Variants in SMYD3 observed in about 807,000 individuals in gnomAD.
SMYD3 encodes SET and MYND domain containing 3, also known as histone-lysine N-methyltransferase SMYD3.
In SMYD3, 36 loss-of-function variants were observed where a neutral mutation model predicts 57.7. That is an observed-to-expected ratio of 0.62 (90% CI 0.48 to 0.82). The LOEUF is 0.82. SMYD3 is among the 40% of genes least tolerant of loss of function. The pLI, the probability that SMYD3 is intolerant of heterozygous loss-of-function variation, is 0.00. For missense variants in SMYD3, 515 were observed against 538.8 expected (o/e 0.96, Z 0.44); for synonymous variants, 211 against 195.0 (o/e 1.08, Z -0.68).
intron 5 of SMYD3, among the ~76,000 whole-genome samples, chr1:246,220,152 T>C (rs2063230204): frequency 6.6e-6 from 1 of 152,172 alleles, no homozygotes; most frequent in South Asian, 2.1e-4. Context: ...AAATCTTAAA[T>C]TGTCCCAAAT....
chr1:246,135,069 C>G (rs2061647039), intron 5 of SMYD3, among the ~76,000 whole-genome samples: 1 of 151,968 alleles, frequency 6.6e-6, no homozygotes, highest in Admixed American at 6.6e-5. Flanking sequence ...TATTACAGTT[C>G]AGGAAAATCA....
In SMYD3 at chr1:246,273,135, C is replaced by CTTTTTTTTTTTTT. The variant is rs71299006; in HGVS notation, c.531+54053_531+54065dup. The stretch of plus-strand genomic sequence containing the variant: ...TGATTCATAATAATGTCCCTGTTTT[C>CTTTTTTTTTTTTT]TTTTTTTTTTTTTTTTTCTTTTTTT... On this transcript the variant is annotated intron_variant, in intron 5 of 11. Coordinates refer to ENST00000490107, the MANE Select transcript of SMYD3 (RefSeq NM_001167740.2). Among the ~76,000 whole-genome samples the CTTTTTTTTTTTTT allele has an allele frequency of 6.5e-3, 702 of 107,428 alleles. 9 individuals carry two copies. The highest frequency in any genetic ancestry group is 0.012 in the East Asian group (38 of 3,208). The allele number at this position is 107,428 out of a possible 152,430, so 70.5% of individuals were successfully genotyped here.
At chr1:245,963,814 G>A (rs1351198203) in intron 5 of SMYD3, among the ~76,000 whole-genome samples, 1 of 152,146 alleles carries the variant, frequency 6.6e-6, no homozygotes, top group African/African-American at 2.4e-5. Context: ...GTCCACTCTA[G>A]TCATCCTGTC....
At chr1:246,284,530 C>A (rs2064518507) in intron 5 of SMYD3, among the ~76,000 whole-genome samples, 1 of 151,788 alleles carries the variant, frequency 6.6e-6, no homozygotes, top group Admixed American at 6.6e-5. Context: ...CATTCTCCTG[C>A]CTCAGCCTCC....
chr1:246,108,104 AAAC>A (rs1307009858), intron 5 of SMYD3, among the ~76,000 whole-genome samples: 1 of 152,336 alleles, frequency 6.6e-6, no homozygotes, highest in East Asian at 1.9e-4. Flanking sequence ...TTGGGTTAAG[AAAC>A]AAAGGTCTTC....
intron 5 of SMYD3, among the ~76,000 whole-genome samples, chr1:245,993,567 TC>T (rs1172181365): frequency 1.5e-5 from 1 of 65,966 alleles, no homozygotes. Context: ...AGACGTTGTC[TC>T]AAAAAAAAAA....
intron 5 of SMYD3, among the ~76,000 whole-genome samples, chr1:245,947,045 G>C (rs1176884730): frequency 6.6e-6 from 1 of 152,126 alleles, no homozygotes; most frequent in Non-Finnish European, 1.5e-5. Context: ...CGTGGCCCTG[G>C]GAGGCGGGCT....
At chr1:246,098,622 A>T (rs907440214) in intron 5 of SMYD3, among the ~76,000 whole-genome samples, 14 of 152,230 alleles carry the variant, frequency 9.2e-5, no homozygotes, top group African/African-American at 3.4e-4. Flanking sequence ...GCTGAGTGAC[A>T]CACTTTATCT....
chr1:246,033,929 T>C (rs1393825214), intron 5 of SMYD3, among the ~76,000 whole-genome samples: 1 of 152,178 alleles, frequency 6.6e-6, no homozygotes, highest in Admixed American at 6.5e-5. Flanking sequence ...CTGTGTTCTA[T>C]CTTACAACTG....
At chr1:246,038,700 G>T (rs2059819686) in intron 5 of SMYD3, among the ~76,000 whole-genome samples, 1 of 152,124 alleles carries the variant, frequency 6.6e-6, no homozygotes, top group Non-Finnish European at 1.5e-5. Flanking sequence ...AGTGACATGG[G>T]GGCATCTGTT....
At chr1:245,946,872 T>C (rs1214433531) in intron 5 of SMYD3, among the ~76,000 whole-genome samples, 14 of 152,218 alleles carry the variant, frequency 9.2e-5, no homozygotes, top group Non-Finnish European at 1.3e-4. Context: ...CCCATTTCTC[T>C]CTAATTTTGA....
chr1:245,826,699 A>C (rs1204717534), intron 10 of SMYD3, among the ~76,000 whole-genome samples: 2 of 152,198 alleles, frequency 1.3e-5, no homozygotes, highest in African/African-American at 4.8e-5. Context: ...TAATTGACTC[A>C]CAGTTCCGCA....
chr1:245,948,463 G>C (rs370670394), intron 5 of SMYD3, among the ~76,000 whole-genome samples: 2 of 152,210 alleles, frequency 1.3e-5, no homozygotes, highest in East Asian at 3.9e-4. Context: ...CCTGTGATCC[G>C]AGCCACAGGA....
chr1:245,824,438 C>CG (rs2148352827), intron 10 of SMYD3, among the ~76,000 whole-genome samples: 1 of 152,312 alleles, frequency 6.6e-6, no homozygotes, highest in South Asian at 2.1e-4. Context: ...AAACTCAGGC[C>CG]GGGCGCAGTG....
chr1:245,794,407 C>T (rs1050635945), intron 10 of SMYD3, among the ~76,000 whole-genome samples: 1 of 152,212 alleles, frequency 6.6e-6, no homozygotes, highest in African/African-American at 2.4e-5. Context: ...CGTGACCTGA[C>T]GTCACTGGCT....
intron 5 of SMYD3, among the ~76,000 whole-genome samples, chr1:246,043,974 G>A (rs1558177804): frequency 6.6e-6 from 1 of 152,142 alleles, no homozygotes; most frequent in South Asian, 2.1e-4. Flanking sequence ...TTCAGGACTC[G>A]CTCTACCTGC....
chr1:246,011,644 T>C (rs2148194100), intron 5 of SMYD3, among the ~76,000 whole-genome samples: 1 of 152,330 alleles, frequency 6.6e-6, no homozygotes, highest in South Asian at 2.1e-4. Flanking sequence ...ACAGAGTTCA[T>C]TAACTCTGTT....
chr1:245,929,829 G>C (rs73128376), intron 6 of SMYD3, 41 bp downstream of exon 6: 48 of 1,515,616 alleles, frequency 3.2e-5, no homozygotes, highest in Non-Finnish European at 4.0e-5. Context: ...GGGTGGGAAT[G>C]AAAGTGTGTC....
At chr1:246,377,170 AT>A (rs139235656) in intron 1 of SMYD3, among the ~76,000 whole-genome samples, 79,168 of 151,752 alleles carry the variant, frequency 0.52, 21,386 homozygotes, top group Middle Eastern at 0.7. Flanking sequence ...TTAATAAAAA[AT>A]AACTAAATTT....
Sources: allele counts gnomAD v4.1 joint callset (sites outside exome capture counted in the v4.1 genomes callset), GRCh38; gene constraint gnomAD v4.1.1; transcripts MANE v1.5; gene names NCBI Gene and HGNC (gene_info 2026-07-23, HGNC 2026-07-21).